Variants in RASAL2 observed in about 807,000 individuals in gnomAD.
RASAL2 encodes ras GTPase-activating protein nGAP.
RASAL2 carries 58 observed loss-of-function variants against 128.9 expected under a neutral mutation model. The ratio of observed to expected loss-of-function variants is 0.45; its 90% CI spans 0.36 to 0.56. The LOEUF is 0.56. Ranked by LOEUF, RASAL2 falls within the 20% of genes least tolerant of loss-of-function variation. The pLI is 0.00. For synonymous variants in RASAL2, 561 were observed against 580.8 expected, an observed-to-expected ratio of 0.97 and a Z score of 0.49; for missense variants, 1,360 against 1,601.6, an observed-to-expected ratio of 0.85 and a Z score of 2.57.
In RASAL2 at chr1:178,244,347, A is replaced by G. The variant is rs183225840; in HGVS notation, c.203-39217A>G. 5.5e-3 allele frequency among the ~76,000 whole-genome samples: 843 copies of G among 151,954 alleles called. 11 individuals carry two copies. The highest frequency in any genetic ancestry group is 0.019 in the African/African-American group (790 of 41,432). ...AACCTCTGCCTCTCGGGTTCAAGTG[A>G]TTCTCCTACCTCAGCTTCCCAAGTA... On this transcript the variant is annotated intron_variant, in intron 1 of 17. Coordinates refer to ENST00000367649, the MANE Select transcript of RASAL2 (RefSeq NM_170692.4).
intron 5 of RASAL2, among the ~76,000 whole-genome samples, chr1:178,436,576 C>A (rs906255083): frequency 3.9e-5 from 6 of 152,076 alleles, no homozygotes; most frequent in Admixed American, 3.9e-4. Flanking sequence ...AAACATTAAA[C>A]CACGGTAGGC....
At chr1:178,382,042 T>C (rs541947457) in intron 3 of RASAL2, among the ~76,000 whole-genome samples, 1 of 152,314 alleles carries the variant, frequency 6.6e-6, no homozygotes, top group African/African-American at 2.4e-5. Context: ...GTAATTGTTC[T>C]TTGCAAAACC....
chr1:178,230,715 G>A (rs911636746), intron 1 of RASAL2, among the ~76,000 whole-genome samples: 1 of 152,156 alleles, frequency 6.6e-6, no homozygotes, highest in African/African-American at 2.4e-5. Flanking sequence ...AAGCTTTAGA[G>A]CAACAATGAA....
rs371933668 is a variant in RASAL2 at position 178,283,658 on chromosome 1, C to G, written c.297C>G (p.Asp99Glu). 14 of 1,613,632 alleles carry G rather than the reference C, an allele frequency of 8.7e-6. No individual in the cohort carries two copies. Among genetic ancestry groups the G allele is most frequent in the Non-Finnish European group, 1.2e-5 (14 of 1,179,934 alleles). ...TWERKYCILT[D>E]SQLVLLNKEK... is the part of the protein sequence containing the mutation. ...AGCGGAAGTATTGCATCCTCACAGA[C>G]AGCCAGTTGGTATTGCTCAACAAGG... The change falls in exon 2 of 18, where the codon GAC (aspartate) becomes GAG (glutamate). Residue 99 changes from aspartate to glutamate, a missense_variant. This residue lies in a region of RASAL2 where 617 missense variants were observed against 714.2 expected (regional missense o/e 0.86). Coordinates refer to ENST00000367649, the MANE Select transcript of RASAL2 (RefSeq NM_170692.4).
chr1:178,212,766 C>T (rs1571639264), intron 1 of RASAL2, among the ~76,000 whole-genome samples: 1 of 152,182 alleles, frequency 6.6e-6, no homozygotes, highest in East Asian at 1.9e-4. Context: ...GTTGGGATTA[C>T]AGGCATGAGC....
At chr1:178,320,130 T>C (rs1328530400) in intron 3 of RASAL2, among the ~76,000 whole-genome samples, 2 of 151,996 alleles carry the variant, frequency 1.3e-5, no homozygotes, top group Non-Finnish European at 2.9e-5. Context: ...AGGGACCCAC[T>C]TGAGGAGGCA....
intron 4 of RASAL2, among the ~76,000 whole-genome samples, chr1:178,390,979 C>T (rs1184538521): frequency 6.6e-6 from 1 of 152,044 alleles, no homozygotes; most frequent in Non-Finnish European, 1.5e-5. Flanking sequence ...GAGAATTAGA[C>T]AATTGTGAAT....
chr1:178,392,382 G>A (rs1422005761), intron 4 of RASAL2, among the ~76,000 whole-genome samples: 1 of 152,092 alleles, frequency 6.6e-6, no homozygotes, highest in Non-Finnish European at 1.5e-5. Context: ...ATGCTTCCAG[G>A]GATTATAGAA....
chr1:178,124,607 TTTTA>T (rs376579211), intron 1 of RASAL2, among the ~76,000 whole-genome samples: 136 of 152,354 alleles, frequency 8.9e-4, no homozygotes, highest in African/African-American at 2.7e-3. Context: ...TAGTTTACTC[TTTTA>T]TTAGGATGTT....
At chr1:178,466,690 G>T (rs1019067421) in intron 16 of RASAL2, among the ~76,000 whole-genome samples, 1 of 152,220 alleles carries the variant, frequency 6.6e-6, no homozygotes, top group Admixed American at 6.5e-5. Flanking sequence ...AATTCATTAA[G>T]TCACTTGCCC....
intron 1 of RASAL2, among the ~76,000 whole-genome samples, chr1:178,186,570 G>A (rs1363836912): frequency 1.3e-5 from 2 of 151,902 alleles, no homozygotes; most frequent in East Asian, 1.9e-4. Flanking sequence ...TCATCTTGAG[G>A]CTTGATTCTT....
At position 178,193,061 on chromosome 1, in the gene RASAL2, G is replaced by A. The variant is rs114038229; in HGVS notation, c.203-90503G>A. Among the ~76,000 whole-genome samples the A allele has an allele frequency of 5.8e-3, 888 of 152,104 alleles. 3 individuals are homozygous for A. The highest frequency in any genetic ancestry group is 9.0e-3 in the Non-Finnish European group (612 of 67,976). Reference sequence around the variant, plus strand: ...TAGTAGGGTCAAATTTTTACATAGCGAAACAGGAAGCAGCGAAAAAAATAT... The same window carrying A: ...TAGTAGGGTCAAATTTTTACATAGCAAAACAGGAAGCAGCGAAAAAAATAT... On this transcript the variant is annotated intron_variant, in intron 1 of 17. Coordinates refer to ENST00000367649, the MANE Select transcript of RASAL2 (RefSeq NM_170692.4).
At chr1:178,173,235 C>T (rs1661766439) in intron 1 of RASAL2, among the ~76,000 whole-genome samples, 1 of 151,952 alleles carries the variant, frequency 6.6e-6, no homozygotes. Context: ...GGTGCATAGC[C>T]CCTATTTTGA....
At chr1:178,307,454 C>G (rs1281783882) in intron 3 of RASAL2, among the ~76,000 whole-genome samples, 1 of 152,120 alleles carries the variant, frequency 6.6e-6, no homozygotes. Flanking sequence ...CCATGCAAAG[C>G]ATGACTTGCT....
At position 178,458,321 on chromosome 1, in the gene RASAL2, A is replaced by G. The variant is rs758706955; in HGVS notation, c.3029A>G (p.Gln1010Arg). The change falls in exon 14 of 18, where the codon CAG becomes CGG. Residue 1010 changes from glutamine to arginine, a missense_variant. Physicochemically the swap from Gln to Arg is conservative, Grantham distance 43. Coordinates refer to ENST00000367649, the MANE Select transcript of RASAL2 (RefSeq NM_170692.4). ...LPRQNSTGQA[Q>R]IRKVDQGGLG... is the part of the protein sequence containing the mutation. The stretch of plus-strand genomic sequence containing the variant: ...CGACAAAATAGTACTGGGCAGGCCC[A>G]GATCCGAAAAGTGGACCAGGGTGGG... 1.4e-5 allele frequency: 23 copies of G among 1,614,150 alleles called. No individual in the cohort carries two copies. Among genetic ancestry groups the G allele is most frequent in the Non-Finnish European group, 1.9e-5 (23 of 1,180,044 alleles).
intron 1 of RASAL2, among the ~76,000 whole-genome samples, chr1:178,258,515 G>A (rs1004507353): frequency 6.6e-6 from 1 of 152,186 alleles, no homozygotes; most frequent in African/African-American, 2.4e-5. Context: ...ATGAAAAGAT[G>A]CTCAGCATCA....
rs184311939 is a variant in RASAL2, at chr1:178,110,808, G to T, written c.202+16114G>T. On this transcript the variant is annotated intron_variant, in intron 1 of 17. Coordinates refer to ENST00000367649, the MANE Select transcript of RASAL2 (RefSeq NM_170692.4). The stretch of plus-strand genomic sequence containing the variant: ...TCACCATGTTTCCCAGGCTGATCTC[G>T]AACTCCTGAGCTCAGGCAATCCGTC... Among the ~76,000 whole-genome samples the T allele has an allele frequency of 2.8e-4, 42 of 151,164 alleles. 1 individual carries two copies. In the South Asian group the frequency reaches 8.6e-3, roughly 31 times the overall value.
chr1:178,217,537 G>A (rs1326062913), intron 1 of RASAL2, among the ~76,000 whole-genome samples: 2 of 152,154 alleles, frequency 1.3e-5, no homozygotes, highest in African/African-American at 2.4e-5. Context: ...GATATTGTGT[G>A]TTCAGTTCCA....
chr1:178,222,626 A>C (rs1006125773), intron 1 of RASAL2, among the ~76,000 whole-genome samples: 5 of 152,072 alleles, frequency 3.3e-5, no homozygotes, highest in Non-Finnish European at 5.9e-5. Context: ...TCCAATGTTG[A>C]TATTTGTTTC....
Sources: allele counts gnomAD v4.1 joint callset (sites outside exome capture counted in the v4.1 genomes callset), GRCh38; gene constraint gnomAD v4.1.1; regional missense constraint gnomAD v4.1.1; transcripts MANE v1.5; gene names NCBI Gene and HGNC (gene_info 2026-07-23, HGNC 2026-07-21).